Variants in RBFOX1 observed in about 807,000 individuals in gnomAD.
The protein encoded by RBFOX1 is RNA binding fox-1 homolog 1.
RBFOX1 carries 8 observed loss-of-function variants against 57.7 expected under a neutral mutation model. The observed-to-expected ratio is 0.14, with a 90% confidence interval of 0.08 to 0.25. The LOEUF (loss-of-function observed/expected upper bound fraction) is 0.25. RBFOX1 is among the 10% of genes least tolerant of loss of function. RBFOX1 has a pLI of 1.00. For missense variants in RBFOX1, 611 were observed against 548.5 expected (o/e 1.11, Z -1.14); for synonymous variants, 326 against 222.4 (o/e 1.47, Z -4.15).
intron 3 of RBFOX1, among the ~76,000 whole-genome samples, chr16:5,690,866 T>G (rs2050655468): frequency 1.3e-5 from 2 of 152,140 alleles, no homozygotes; most frequent in African/African-American, 4.8e-5. Context: ...CAGTTTTTAT[T>G]TCTACTTATG....
intron 2 of RBFOX1, among the ~76,000 whole-genome samples, chr16:6,629,957 A>AG: frequency 1.9e-5 from 2 of 106,622 alleles, no homozygotes; most frequent in Non-Finnish European, 3.7e-5. Context: ...TTATTTCGGT[A>AG]GGTTTTTTTT....
At chr16:5,301,132 C>T (rs955816399) in intron 1 of RBFOX1, among the ~76,000 whole-genome samples, 4 of 152,170 alleles carry the variant, frequency 2.6e-5, no homozygotes, top group Non-Finnish European at 5.9e-5. Context: ...ACCTTCGAGA[C>T]CAGTTTACAG....
chr16:7,300,436 A>G (rs1354835855), intron 4 of RBFOX1, among the ~76,000 whole-genome samples: 1 of 152,246 alleles, frequency 6.6e-6, no homozygotes, highest in African/African-American at 2.4e-5. Flanking sequence ...TTTAATGAAG[A>G]TGGAGACTAT....
At chr16:6,699,091 C>G (rs930650237) in intron 3 of RBFOX1, among the ~76,000 whole-genome samples, 2 of 152,104 alleles carry the variant, frequency 1.3e-5, no homozygotes, top group African/African-American at 2.4e-5. Context: ...CAATCATAAC[C>G]AGCATGCAGC....
chr16:6,306,053 G>T (rs542224502), intron 1 of RBFOX1, among the ~76,000 whole-genome samples: 1 of 152,150 alleles, frequency 6.6e-6, no homozygotes, highest in South Asian at 2.1e-4. Context: ...TTTAAAGCGC[G>T]TTGGTTTTGC....
At chr16:7,397,773 G>C (rs532565022) in intron 4 of RBFOX1, among the ~76,000 whole-genome samples, 1 of 152,028 alleles carries the variant, frequency 6.6e-6, no homozygotes, top group Non-Finnish European at 1.5e-5. Context: ...ATAGATTTAC[G>C]GTGGTATGAA....
chr16:5,330,157 T>C (rs547700990), intron 1 of RBFOX1, among the ~76,000 whole-genome samples: 1 of 152,282 alleles, frequency 6.6e-6, no homozygotes, highest in South Asian at 2.1e-4. Context: ...ACCATCGCTT[T>C]CTGGGTTGCA....
At position 7,443,291 on chromosome 16, in the gene RBFOX1, A is replaced by G. The variant is rs147023969; in HGVS notation, c.28-74856A>G. 2.2e-3 allele frequency among the ~76,000 whole-genome samples: 330 copies of G among 152,228 alleles called. 1 individual carries two copies. Among genetic ancestry groups the G allele is most frequent in the Middle Eastern group, 0.014 (4 of 294 alleles). On this transcript the variant is annotated intron_variant, in intron 4 of 15. Coordinates refer to ENST00000550418, the MANE Select transcript of RBFOX1 (RefSeq NM_018723.4). The stretch of plus-strand genomic sequence containing the variant: ...AAAGGCAATTTTCTTGGTGGCTTAG[A>G]AGGTTACAGAAAATGCTTGATCAGC...
At chr16:7,675,555 C>G (rs2073026748) in intron 13 of RBFOX1, among the ~76,000 whole-genome samples, 1 of 152,194 alleles carries the variant, frequency 6.6e-6, no homozygotes, top group Non-Finnish European at 1.5e-5. Flanking sequence ...CATATTTACT[C>G]TGAAAGTTAA....
Position 7,579,806 on chromosome 16 carries a change from C to T in RBFOX1, c.300C>T (p.Gly100=), listed in dbSNP as rs377433712. The change falls in exon 6 of 16, where the codon GGC becomes GGT. Residue 100 remains glycine (G), a synonymous_variant. Transcript: ENST00000550418. The part of the protein sequence containing the change: ...TQTDDAAPTD[G]QPQTQPSENT... ...CAGATGACGCAGCACCGACGGATGG[C>T]CAGCCCCAGACACAACCTTCTGAAA... is the stretch of plus-strand genomic sequence containing the variant. The T allele has an allele frequency of 6.2e-6, 10 of 1,613,968 alleles. No homozygotes were observed. The highest frequency in any genetic ancestry group is 1.3e-5 in the African/African-American group (1 of 74,916).
At chr16:5,851,586 T>C (rs909595021) in intron 3 of RBFOX1, among the ~76,000 whole-genome samples, 6 of 152,104 alleles carry the variant, frequency 3.9e-5, no homozygotes, top group African/African-American at 1.4e-4. Context: ...CTGAAGCAAT[T>C]ACCAAGTTTC....
At chr16:6,320,122 A>T (rs2081590178) in intron 2 of RBFOX1, among the ~76,000 whole-genome samples, 1 of 152,122 alleles carries the variant, frequency 6.6e-6, no homozygotes, top group Admixed American at 6.6e-5. Flanking sequence ...GGGTACAGAT[A>T]AGAAGAAGGT....
intron 4 of RBFOX1, among the ~76,000 whole-genome samples, chr16:7,338,892 C>G (rs1011058129): frequency 3.9e-5 from 6 of 152,156 alleles, no homozygotes; most frequent in African/African-American, 1.4e-4. Context: ...GCGATTTTAT[C>G]TCCATGTTTG....
chr16:7,449,438 G>A (rs2098833893), intron 4 of RBFOX1, among the ~76,000 whole-genome samples: 1 of 152,168 alleles, frequency 6.6e-6, no homozygotes. Context: ...AGGTTTGGCA[G>A]GAGTGAGCCC....
At chr16:7,467,496 G>A (rs1056915901) in intron 4 of RBFOX1, among the ~76,000 whole-genome samples, 1 of 152,214 alleles carries the variant, frequency 6.6e-6, no homozygotes, top group Admixed American at 6.5e-5. Flanking sequence ...TAGAATGTTA[G>A]AGAGGGCAGT....
At chr16:6,371,517 T>C (rs1297156910) in intron 2 of RBFOX1, among the ~76,000 whole-genome samples, 2 of 152,178 alleles carry the variant, frequency 1.3e-5, no homozygotes, top group Non-Finnish European at 1.5e-5. Context: ...TCCTGTATCA[T>C]TTTGACATAA....
At chr16:7,380,700 C>T (rs183319507) in intron 4 of RBFOX1, among the ~76,000 whole-genome samples, 133 of 152,324 alleles carry the variant, frequency 8.7e-4, no homozygotes, top group Non-Finnish European at 1.4e-3. Context: ...TCGTTTCATA[C>T]AACTGTTTTC....
intron 1 of RBFOX1, among the ~76,000 whole-genome samples, chr16:5,355,754 C>G (rs1477331660): frequency 6.6e-6 from 1 of 152,126 alleles, no homozygotes; most frequent in African/African-American, 2.4e-5. Flanking sequence ...TGAGATGGTC[C>G]TGGATTTAGG....
chr16:5,976,925 C>T (rs1033298849), intron 4 of RBFOX1, among the ~76,000 whole-genome samples: 15 of 152,120 alleles, frequency 9.9e-5, no homozygotes, highest in African/African-American at 3.6e-4. Flanking sequence ...TGTGGAACAA[C>T]GTTAGAAGTG....
Sources: allele counts gnomAD v4.1 joint callset (sites outside exome capture counted in the v4.1 genomes callset), GRCh38; gene constraint gnomAD v4.1.1; transcripts MANE v1.5; gene names NCBI Gene and HGNC (gene_info 2026-07-23, HGNC 2026-07-21).